Variants in CLUL1 observed in about 807,000 individuals in gnomAD.
CLUL1 encodes clusterin-like protein 1.
CLUL1 carries 43 observed loss-of-function variants against 49.4 expected under a neutral mutation model. The observed-to-expected ratio is 0.87, with a 90% CI of 0.68 to 1.12. The LOEUF is 1.12. Among genes scored for constraint, CLUL1 ranks in the 50% most tolerant of loss-of-function variants. CLUL1 has a pLI of 0.00. For missense variants in CLUL1, 486 were observed against 544.4 expected (o/e 0.89, Z 1.07); for synonymous variants, 192 against 184.9 (o/e 1.04, Z -0.31).
rs2074194960 is a variant in CLUL1 at position 637,773 on chromosome 18, G to C, written c.995-3554G>C. Among the ~76,000 whole-genome samples, 4 of 152,162 alleles carry C rather than the reference G, an allele frequency of 2.6e-5. 1 individual carries two copies. In the South Asian group the frequency reaches 8.3e-4, roughly 32 times the overall value. ...GCGGATCACCTGCGGTCAGGAGTTT[G>C]AGACCAGCCTGGCCAACATGGCGAA... On this transcript the variant is annotated intron_variant, in intron 7 of 9. Transcript: ENST00000692774.
At position 618,149 on chromosome 18, in the gene CLUL1, T is replaced by C; in HGVS notation, c.106+43T>C. The C allele has an allele frequency of 5.6e-6, 8 of 1,438,510 alleles. No homozygotes were observed. The highest frequency in any genetic ancestry group is 7.8e-6 in the Non-Finnish European group (8 of 1,021,736). The allele number at this position is 1,438,510 out of a possible 1,614,324, so 89.1% of individuals were successfully genotyped here. On this transcript the variant is annotated intron_variant, in intron 3 of 9. Transcript: ENST00000692774. This position sits in a 1 kb window ranked among gnomAD's most constrained non-coding sequence, Gnocchi z 4.2. ...TCTGTGCTGTGTCCTGTTTGCATGT[T>C]GGTTGTCCTGCTGGCGTTTATAGTG...
intron 2 of CLUL1, among the ~76,000 whole-genome samples, chr18:615,718 C>T (rs1192555735): frequency 6.6e-6 from 1 of 152,158 alleles, no homozygotes; most frequent in African/African-American, 2.4e-5. Flanking sequence ...TGACATTAGG[C>T]TGTTTAAAAT....
intron 7 of CLUL1, among the ~76,000 whole-genome samples, chr18:636,105 C>T (rs1437524227): frequency 6.6e-6 from 1 of 152,078 alleles, no homozygotes; most frequent in East Asian, 1.9e-4. Flanking sequence ...ATTAGATACA[C>T]CACAATACTA....
chr18:632,334 A>ATGTGTG (rs34398863), intron 6 of CLUL1, among the ~76,000 whole-genome samples: 20 of 150,970 alleles, frequency 1.3e-4, no homozygotes, highest in African/African-American at 4.6e-4. Context: ...GTGTATATAT[A>ATGTGTG]TGTGTGTGTG....
At chr18:602,133 TA>T (rs2072848562) in intron 1 of CLUL1, among the ~76,000 whole-genome samples, 1 of 152,348 alleles carries the variant, frequency 6.6e-6, no homozygotes, top group African/African-American at 2.4e-5. Context: ...AATACTAAGT[TA>T]AATGCAATAC....
chr18:604,697 G>A (rs1305374226), intron 1 of CLUL1, among the ~76,000 whole-genome samples: 1 of 152,156 alleles, frequency 6.6e-6, no homozygotes, highest in African/African-American at 2.4e-5. Context: ...TTAGGTCTGT[G>A]TTCTTATCTT....
At chr18:637,429 C>T (rs1380102296) in intron 7 of CLUL1, among the ~76,000 whole-genome samples, 1 of 152,098 alleles carries the variant, frequency 6.6e-6, no homozygotes, top group Non-Finnish European at 1.5e-5. Context: ...CTCCCGACCT[C>T]AGTAGTTGGT....
intron 8 of CLUL1, among the ~76,000 whole-genome samples, chr18:643,986 T>C (rs1671903669): frequency 6.6e-6 from 1 of 152,182 alleles, no homozygotes; most frequent in African/African-American, 2.4e-5. Context: ...GTTACTTTTC[T>C]CAAAACAGCT....
intron 9 of CLUL1, among the ~76,000 whole-genome samples, chr18:646,487 C>CAGAT (rs149368760): frequency 7.8e-4 from 100 of 127,800 alleles, no homozygotes; most frequent in African/African-American, 2.6e-3. Context: ...GGGCACAAGA[C>CAGAT]AGATAGATAG....
intron 4 of CLUL1, among the ~76,000 whole-genome samples, chr18:622,746 C>A (rs2073531753): frequency 6.6e-6 from 1 of 152,182 alleles, no homozygotes; most frequent in South Asian, 2.1e-4. Flanking sequence ...TAACAGATGT[C>A]TTGCCTATGA....
intron 6 of CLUL1, among the ~76,000 whole-genome samples, chr18:632,441 A>T (rs986149531): frequency 2.0e-5 from 3 of 152,202 alleles, no homozygotes; most frequent in African/African-American, 7.2e-5. Context: ...GACATTTCTA[A>T]TATCTTTGAA....
chr18:645,591 T>G (rs949042296), intron 9 of CLUL1, among the ~76,000 whole-genome samples: 5 of 150,782 alleles, frequency 3.3e-5, no homozygotes, highest in African/African-American at 1.2e-4. Flanking sequence ...GTCAGGAGAT[T>G]GAGACCATCC....
At chr18:617,665 G>C (rs376501913) in intron 2 of CLUL1, among the ~76,000 whole-genome samples, 1 of 150,856 alleles carries the variant, frequency 6.6e-6, no homozygotes. Flanking sequence ...TTAATTCTGT[G>C]TTTCGAGATG....
chr18:623,438 A>G (rs1290505419), intron 4 of CLUL1, among the ~76,000 whole-genome samples: 1 of 152,134 alleles, frequency 6.6e-6, no homozygotes, highest in South Asian at 2.1e-4. Context: ...TGAGGCCAGG[A>G]GTTCGAGATC....
chr18:598,958 T>C (rs1187323706), intron 1 of CLUL1, among the ~76,000 whole-genome samples: 2 of 152,208 alleles, frequency 1.3e-5, no homozygotes, highest in Non-Finnish European at 2.9e-5. Flanking sequence ...TTTTGGCAAC[T>C]TTTTCAGAGA....
At chr18:631,567 G>A (rs1370397039) in intron 6 of CLUL1, among the ~76,000 whole-genome samples, 1 of 152,170 alleles carries the variant, frequency 6.6e-6, no homozygotes, top group Admixed American at 6.5e-5. Context: ...TGCTGTGGCT[G>A]CAGGATGGGG....
At chr18:603,239 C>CTT (rs2072880057) in intron 1 of CLUL1, among the ~76,000 whole-genome samples, 1 of 152,072 alleles carries the variant, frequency 6.6e-6, no homozygotes, top group Non-Finnish European at 1.5e-5. Flanking sequence ...AGAACCTGCA[C>CTT]TTTAACAAGA....
intron 1 of CLUL1, among the ~76,000 whole-genome samples, chr18:602,368 G>T (rs1052838310): frequency 1.3e-5 from 2 of 152,072 alleles, no homozygotes; most frequent in Non-Finnish European, 2.9e-5. Context: ...TCCAGGAAGG[G>T]GGGCTGGATC....
At chr18:640,001 C>T (rs1192959173) in intron 7 of CLUL1, among the ~76,000 whole-genome samples, 2 of 152,006 alleles carry the variant, frequency 1.3e-5, no homozygotes, top group Non-Finnish European at 2.9e-5. Context: ...GTAAATCTTG[C>T]CATTATCTTT....
Sources: gnomAD v4.1 joint callset for allele counts (sites outside exome capture counted in the v4.1 genomes callset) on GRCh38, gnomAD v4.1.1 for gene constraint, Gnocchi (gnomAD v3.1) non-coding constraint, MANE v1.5 for transcripts, NCBI Gene and HGNC (gene_info 2026-07-23, HGNC 2026-07-21) for gene names.